The following LSMEM2 variants were observed in gnomAD, a reference collection of about 807,000 sequenced individuals.
LSMEM2 encodes the protein leucine-rich single-pass membrane protein 2.
LSMEM2 carries 20 observed loss-of-function variants against 17.3 expected under a neutral mutation model. That is an observed-to-expected ratio of 1.16 (90% CI 0.81 to 1.68). The LOEUF (loss-of-function observed/expected upper bound fraction) is 1.68. Ranked by LOEUF, LSMEM2 falls within the 40% of genes most tolerant of loss-of-function variation. The pLI is 0.00. For synonymous variants in LSMEM2, 94 were observed against 97.8 expected (o/e 0.96, Z 0.23); for missense variants, 207 against 214.3 (o/e 0.97, Z 0.21).
At chr3:50,278,546 G>A (rs1158540260), upstream of LSMEM2, among the ~76,000 whole-genome samples, 1 of 151,830 alleles carries the variant, frequency 6.6e-6, no homozygotes, top group Non-Finnish European at 1.5e-5. Context: ...CTCCAACCTA[G>A]GTCCACCCAC....
intron 1 of LSMEM2, among the ~76,000 whole-genome samples, chr3:50,285,852 A>C (rs587640145): frequency 2.0e-5 from 3 of 152,014 alleles, no homozygotes; most frequent in Non-Finnish European, 4.4e-5. Context: ...CAAAAAAAAA[A>C]GGGGGGCGGG....
At chr3:50,279,207 C>G (rs587602579) in intron 1 of LSMEM2, 36 bp downstream of exon 1, 6 of 1,599,190 alleles carry the variant, frequency 3.8e-6, no homozygotes, top group Admixed American at 3.3e-5. Context: ...GGCAAGGCCT[C>G]AGTCCTGTGA....
chr3:50,287,999 G>T lies in LSMEM2; in HGVS notation c.*797G>T. The T allele has an allele frequency of 1.7e-6, 1 of 599,318 alleles. No individual in the cohort carries two copies. Among genetic ancestry groups the T allele is most frequent in the Non-Finnish European group, 3.0e-6 (1 of 331,924 alleles). 37.1% of individuals were successfully genotyped at this position (599,318 alleles called of 1,614,324 possible). A position where few individuals can be genotyped will look rare whatever the true frequency, so the allele number is the denominator to read the frequency against. ...GAGACAGGACAGGAAGGGGCCACAG[G>T]GCTGAGTGCAGGGACAAAGGGGTCA... On this transcript the variant is annotated 3_prime_UTR_variant, in exon 4 of 4. Transcript: ENST00000316436.
intron 1 of LSMEM2, among the ~76,000 whole-genome samples, chr3:50,285,255 C>T (rs1251347589): frequency 6.6e-6 from 1 of 150,988 alleles, no homozygotes; most frequent in Non-Finnish European, 1.5e-5. Flanking sequence ...TGATTGAACC[C>T]GGGAGGCAGA....
chr3:50,284,560 T>C (rs1402718815), intron 1 of LSMEM2, among the ~76,000 whole-genome samples: 1 of 151,856 alleles, frequency 6.6e-6, no homozygotes, highest in Non-Finnish European at 1.5e-5. Context: ...TAAAACCCTG[T>C]CTCTACAAAA....
intron 1 of LSMEM2, among the ~76,000 whole-genome samples, chr3:50,286,104 G>A (rs1297889897): frequency 1.3e-5 from 2 of 152,264 alleles, no homozygotes; most frequent in African/African-American, 4.8e-5. Context: ...GAAGATGCCA[G>A]GCATTGGGTC....
Position 50,286,539 on chromosome 3 carries a change from G to C in LSMEM2, c.127G>C (p.Val43Leu), listed in dbSNP as rs1190177235. Reference protein sequence around the residue: ...GPLAPNHVHEVCLHQVESISD... With the variant: ...GPLAPNHVHELCLHQVESISD... ...ATTGGCCCCCAACCACGTGCATGAG[G>C]TATGCCTGCACCAGGTGGAGTCCAT... Residue 43 changes from valine to leucine, a missense_variant, in exon 2 of 4, where the codon GTA (valine) becomes CTA (leucine). Coordinates refer to ENST00000316436, the MANE Select transcript of LSMEM2 (RefSeq NM_153215.3). 1 of 1,612,470 alleles carries C rather than the reference G, an allele frequency of 6.2e-7. No homozygotes were observed. The highest frequency in any genetic ancestry group is 2.2e-5 in the East Asian group (1 of 44,852).
At position 50,287,866 on chromosome 3, in the gene LSMEM2, T is replaced by TAAGA. The variant is rs1701586745; in HGVS notation, c.*665_*668dup. On this transcript the variant is annotated 3_prime_UTR_variant, in exon 4 of 4. Coordinates refer to ENST00000316436, the MANE Select transcript of LSMEM2 (RefSeq NM_153215.3). ...ATTTGTCCAGATGCCACCACCCCCC[T>TAAGA]AAGAGTGGGTCATCCTGGGGGAGCA... The TAAGA allele has an allele frequency of 2.9e-6, 1 of 348,306 alleles. No homozygotes were observed. Among genetic ancestry groups the TAAGA allele is most frequent in the Non-Finnish European group, 5.4e-6 (1 of 185,120 alleles). 21.6% of individuals were successfully genotyped at this position (348,306 alleles called of 1,614,324 possible).
intron 1 of LSMEM2, among the ~76,000 whole-genome samples, chr3:50,285,854 GGGGGC>G (rs1253258368): frequency 1.3e-5 from 2 of 152,188 alleles, no homozygotes; most frequent in African/African-American, 4.8e-5. Context: ...AAAAAAAAAG[GGGGGC>G]GGGGACTGCA....
Position 50,286,790 on chromosome 3 carries a change from G to A in LSMEM2, c.289G>A (p.Gly97Arg). Residue 97 changes from glycine (G) to arginine (R), a missense_variant, in exon 3 of 4, where the codon GGG (glycine) becomes AGG (arginine). Coordinates refer to ENST00000316436, the MANE Select transcript of LSMEM2 (RefSeq NM_153215.3). ...CTGCAGCCCTGTGTACAGACGAGGAGGGTTCCTGCTGCTGCTCGCGCTGCT... is the reference window on the plus strand; with the variant it reads ...CTGCAGCCCTGTGTACAGACGAGGAAGGTTCCTGCTGCTGCTCGCGCTGCT... ...AGCSPVYRRG[G>R]FLLLLALLVL... The A allele has an allele frequency of 1.2e-6, 2 of 1,614,176 alleles. No homozygotes were observed. Among genetic ancestry groups the A allele is most frequent in the South Asian group, 1.1e-5 (1 of 91,088 alleles).
chr3:50,286,370 A>G (rs1701525465), intron 1 of LSMEM2, 101 bp from the exon 2 acceptor site: 2 of 1,462,736 alleles, frequency 1.4e-6, no homozygotes, highest in South Asian at 2.7e-5. Flanking sequence ...CAAATGTCCC[A>G]CTATCCCTAT....
intron 1 of LSMEM2, among the ~76,000 whole-genome samples, chr3:50,281,855 A>G (rs782046673): frequency 2.2e-4 from 33 of 147,000 alleles, no homozygotes; most frequent in Non-Finnish European, 4.4e-4. Context: ...ATCTTTAATT[A>G]CTTTTTTGTT....
intron 1 of LSMEM2, among the ~76,000 whole-genome samples, chr3:50,284,236 CG>C (rs1244315402): frequency 2.0e-5 from 3 of 146,606 alleles, no homozygotes; most frequent in Non-Finnish European, 4.5e-5. Context: ...GCGCCACACA[CG>C]TATTAGTCAC....
intron 1 of LSMEM2, among the ~76,000 whole-genome samples, chr3:50,284,575 C>CA (rs1258817388): frequency 4.6e-5 from 7 of 151,402 alleles, no homozygotes; most frequent in Admixed American, 2.0e-4. Context: ...ACAAAAAATA[C>CA]AAAAAAAATT....
rs782681945 is a variant in LSMEM2, at chr3:50,286,875, A to G, written c.361+13A>G. 1.2e-6 allele frequency: 2 copies of G among 1,612,922 alleles called. No homozygotes were observed. The highest frequency in any genetic ancestry group is 1.7e-6 in the Non-Finnish European group (2 of 1,179,634). ...GTCTACCTGAGCGGTATGGACGCAT[A>G]GGGTGCTAGTAGGAATGGAAAGCAA... is the stretch of plus-strand genomic sequence containing the variant. On this transcript the variant is annotated intron_variant, in intron 3 of 3. Transcript: ENST00000316436.
chr3:50,278,490 G>C (rs1047414338), upstream of LSMEM2, among the ~76,000 whole-genome samples: 1 of 152,178 alleles, frequency 6.6e-6, no homozygotes, highest in Admixed American at 6.5e-5. Flanking sequence ...TCAGAGAGGG[G>C]AGACCCTTTA....
chr3:50,287,044 A>C, intron 3 of LSMEM2, 25 bp from the exon 4 acceptor site: 1 of 1,613,134 alleles, frequency 6.2e-7, no homozygotes, highest in Non-Finnish European at 8.5e-7. Context: ...ACATGGTCTG[A>C]TGATCCCCCA....
Position 50,286,910 on chromosome 3 carries a change from G to C in LSMEM2, c.361+48G>C, listed in dbSNP as rs189360950. On this transcript the variant is annotated intron_variant, in intron 3 of 3. Transcript: ENST00000316436. ...TAGGAATGGAAAGCAAGGCAGTGGG[G>C]ACTGGGAGGCCCTTCTGTGCAGCTG... is the stretch of plus-strand genomic sequence containing the variant. The C allele has an allele frequency of 1.1e-5, 18 of 1,602,832 alleles. No homozygotes were observed. The Admixed American group carries it at 1.7e-4, about 15-fold the overall frequency.
At chr3:50,281,359 CCTTTT>C (rs1701392110) in intron 1 of LSMEM2, among the ~76,000 whole-genome samples, 1 of 116,858 alleles carries the variant, frequency 8.6e-6, no homozygotes, top group South Asian at 2.6e-4. Context: ...TGCGCCCGGC[CCTTTT>C]TTTTTTTTTT....
Sources: allele counts gnomAD v4.1 joint callset (sites outside exome capture counted in the v4.1 genomes callset), GRCh38; gene constraint gnomAD v4.1.1; transcripts MANE v1.5; gene names NCBI Gene and HGNC (gene_info 2026-07-23, HGNC 2026-07-21).